CEP290: variants seen among roughly 807,000 people sequenced by gnomAD.
CEP290 encodes the protein centrosomal protein 290.
Under a neutral mutation model 344.9 loss-of-function variants are expected in CEP290, and 317 were observed. The ratio of observed to expected loss-of-function variants is 0.92; its 90% CI spans 0.84 to 1.01. CEP290 has a LOEUF of 1.01. Ranked by LOEUF, CEP290 falls within the 50% of genes least tolerant of loss-of-function variation. The pLI is 0.00. For missense variants in CEP290, 2,754 were observed against 2,761.4 expected (o/e 1.00, Z 0.06); for synonymous variants, 932 against 895.8 (o/e 1.04, Z -0.72).
chr12:88,099,209 G>C, intron 26 of CEP290, among the ~76,000 whole-genome samples: 1 of 152,100 alleles, frequency 6.6e-6, no homozygotes, highest in Middle Eastern at 3.2e-3. Flanking sequence ...AAACAAAAAT[G>C]GTAGGGAAAA....
intron 11 of CEP290, among the ~76,000 whole-genome samples, chr12:88,127,189 G>A (rs114469234): frequency 0.023 from 3,530 of 152,214 alleles, 118 homozygotes; most frequent in African/African-American, 0.08. Flanking sequence ...TATATGTTTC[G>A]AAGATTTAAA....
At chr12:88,053,268 C>T (rs368617253) in intron 52 of CEP290, among the ~76,000 whole-genome samples, 83 of 151,656 alleles carry the variant, frequency 5.5e-4, no homozygotes, top group Middle Eastern at 6.8e-3. Context: ...ACTTTGTAAA[C>T]GGAAAAAAAT....
chr12:88,119,027 G>A (rs1014023670), intron 15 of CEP290, among the ~76,000 whole-genome samples: 4 of 152,094 alleles, frequency 2.6e-5, no homozygotes, highest in South Asian at 2.1e-4. Flanking sequence ...CTACCTAGAC[G>A]GGCCAGAAGT....
chr12:88,127,214 A>C (rs1003599333), intron 11 of CEP290, among the ~76,000 whole-genome samples: 1 of 145,292 alleles, frequency 6.9e-6, no homozygotes, highest in African/African-American at 2.5e-5. Context: ...AAAAAAGGCC[A>C]GGCAGAGTCA....
Position 88,132,235 on chromosome 12 carries a change from C to A in CEP290, c.442-1017G>T, listed in dbSNP as rs1337743649. 3.3e-5 allele frequency among the ~76,000 whole-genome samples: 5 copies of A among 152,146 alleles called. No homozygotes were observed. In the East Asian group the frequency reaches 9.6e-4, roughly 29 times the overall value. ...TGCCTTTTTTCACCTATTCTCCAAA[C>A]CTCATTCCTCTTATGACCTTTCATT... On this transcript the variant is annotated intron_variant, in intron 6 of 53. Transcript: ENST00000552810.
intron 6 of CEP290, chr12:88,135,531 T>C (rs561082974): frequency 1.3e-5 from 2 of 152,286 alleles, no homozygotes; most frequent in Admixed American, 1.3e-4. Flanking sequence ...CAGATAATGC[T>C]CTAAGAGCTT....
intron 17 of CEP290, among the ~76,000 whole-genome samples, chr12:88,117,419 A>T (rs2039120320): frequency 6.6e-6 from 1 of 152,232 alleles, no homozygotes; most frequent in South Asian, 2.1e-4. Flanking sequence ...AGCACCAGTT[A>T]AAAGACATAT....
At chr12:88,128,702 A>G (rs2039880393) in intron 11 of CEP290, among the ~76,000 whole-genome samples, 1 of 152,136 alleles carries the variant, frequency 6.6e-6, no homozygotes, top group Non-Finnish European at 1.5e-5. Flanking sequence ...TTGGAGTTAG[A>G]CTTCTATCAA....
intron 13 of CEP290, among the ~76,000 whole-genome samples, chr12:88,122,370 T>C (rs2039457472): frequency 6.6e-6 from 1 of 152,124 alleles, no homozygotes; most frequent in Non-Finnish European, 1.5e-5. Context: ...ATTCCATCCA[T>C]TTTGGATGGG....
Position 88,129,781 on chromosome 12 carries a change from A to G in CEP290, c.765T>C (p.Asp255=). 1 of 1,484,272 alleles carries G rather than the reference A, an allele frequency of 6.7e-7. No homozygotes were observed. Among genetic ancestry groups the G allele is most frequent in the Non-Finnish European group, 9.0e-7 (1 of 1,109,026 alleles). The allele number at this position is 1,484,272 out of a possible 1,614,324, so 91.9% of individuals were successfully genotyped here. Residue 255 remains aspartate (D), a synonymous_variant, in exon 10 of 54, where the codon GAT becomes GAC. Transcript: ENST00000552810. ...ESVQEMEKMT[D]EYNRMKAIVH... is the part of the protein sequence containing the mutation. ...CAATAGCTTTCATTCTATTATATTCATCAGTCATCTTCTCCATTTCCTGTA... is the reference window on the plus strand; with the variant it reads ...CAATAGCTTTCATTCTATTATATTCGTCAGTCATCTTCTCCATTTCCTGTA...
At position 88,055,469 on chromosome 12, in the gene CEP290, A is replaced by G. The variant is rs993537018; in HGVS notation, c.6960+107T>C. On this transcript the variant is annotated intron_variant, in intron 50 of 53. Transcript: ENST00000552810. ...GGTGAATGGGGTGCCCTTCAGTTAG[A>G]TGGGTCTTCTTAATAGAGTCCATTT... 3.6e-5 allele frequency: 35 copies of G among 961,722 alleles called. No homozygotes were observed. In the African/African-American group the frequency reaches 5.7e-4, roughly 16 times the overall value. 59.6% of individuals were successfully genotyped at this position (961,722 alleles called of 1,614,324 possible). A position where few individuals can be genotyped will look rare whatever the true frequency, so the allele number is the denominator to read the frequency against.
At chr12:88,138,299 T>TA (rs1378922154) in intron 5 of CEP290, among the ~76,000 whole-genome samples, 3 of 152,204 alleles carry the variant, frequency 2.0e-5, no homozygotes, top group Non-Finnish European at 4.4e-5. Flanking sequence ...GCTACCCTTC[T>TA]ATTCTACAGC....
chr12:88,136,606 G>A, intron 6 of CEP290, 37 bp downstream of exon 6: 2 of 1,602,816 alleles, frequency 1.2e-6, no homozygotes, highest in South Asian at 1.1e-5. Context: ...CAGGTAACTT[G>A]AACAGTGAAG....
At chr12:88,138,996 T>G (rs1203932899) in intron 5 of CEP290, 149 bp downstream of exon 5, 1 of 499,338 alleles carries the variant, frequency 2.0e-6, no homozygotes, top group African/African-American at 2.0e-5. Flanking sequence ...AGGCACATAA[T>G]AGGCATGTAG....
rs1338101931 is a variant in CEP290, at chr12:88,053,279, A to G, written c.7129+373T>C. 2.6e-5 allele frequency among the ~76,000 whole-genome samples: 4 copies of G among 152,176 alleles called. No individual in the cohort carries two copies. In the East Asian group the frequency reaches 7.7e-4, roughly 29 times the overall value. On this transcript the variant is annotated intron_variant, in intron 52 of 53. Coordinates refer to ENST00000552810, the MANE Select transcript of CEP290 (RefSeq NM_025114.4). The stretch of plus-strand genomic sequence containing the variant: ...TTTTACTTTGTAAACGGAAAAAAAT[A>G]TAGGCAGTATTTACTTATTTGCAGT...
chr12:88,092,176 A>G (rs1009158277), intron 29 of CEP290, among the ~76,000 whole-genome samples: 1 of 152,256 alleles, frequency 6.6e-6, no homozygotes, highest in Non-Finnish European at 1.5e-5. Context: ...CTCAAGGTTA[A>G]GTATAATTGT....
intron 31 of CEP290, among the ~76,000 whole-genome samples, chr12:88,088,516 A>G (rs1341743741): frequency 2.6e-5 from 4 of 152,170 alleles, no homozygotes; most frequent in Non-Finnish European, 5.9e-5. Flanking sequence ...CAATCTGAAC[A>G]TTCCCACTAA....
intron 17 of CEP290, among the ~76,000 whole-genome samples, chr12:88,117,355 A>AT (rs945938021): frequency 1.3e-5 from 2 of 152,160 alleles, no homozygotes; most frequent in Non-Finnish European, 2.9e-5. Context: ...TAATTTTTGA[A>AT]TTTCATCTTC....
rs756358634 is a variant in CEP290 at position 88,103,073 on chromosome 12, A to T, written c.2818-62T>A. 217 of 1,007,386 alleles carry T rather than the reference A, an allele frequency of 2.2e-4. 6 individuals carry two copies. The highest frequency in any genetic ancestry group is 1.3e-3 in the South Asian group (57 of 42,748). The allele number at this position is 1,007,386 out of a possible 1,614,324, so 62.4% of individuals were successfully genotyped here. On this transcript the variant is annotated intron_variant, in intron 25 of 53. Transcript: ENST00000552810. ...CTTTTTTTCTGGTCAAGCACTAGCC[A>T]CTTTTGAGAAAGATAATACAACTTA...
Sources: gnomAD v4.1 joint callset for allele counts (sites outside exome capture counted in the v4.1 genomes callset) on GRCh38, gnomAD v4.1.1 for gene constraint, MANE v1.5 for transcripts, NCBI Gene and HGNC (gene_info 2026-07-23, HGNC 2026-07-21) for gene names.